Variants in DYNC1I1 observed in about 807,000 individuals in gnomAD.
DYNC1I1 encodes the protein dynein cytoplasmic 1 intermediate chain 1.
In DYNC1I1, 43 loss-of-function variants were observed where a neutral mutation model predicts 86.6. The ratio of observed to expected loss-of-function variants is 0.50; its 90% CI spans 0.39 to 0.64. The LOEUF (loss-of-function observed/expected upper bound fraction) is 0.64, where lower values mean the gene tolerates loss of function less well. Among genes scored for constraint, DYNC1I1 ranks in the 30% least tolerant of loss-of-function variants. The pLI, the probability that DYNC1I1 is intolerant of heterozygous loss-of-function variation, is 0.00. For synonymous variants in DYNC1I1, 262 were observed against 283.7 expected (o/e 0.92, Z 0.77); for missense variants, 604 against 788.8 (o/e 0.77, Z 2.81).
chr7:96,088,409 A>G (rs1189359525), intron 16 of DYNC1I1, among the ~76,000 whole-genome samples: 2 of 152,296 alleles, frequency 1.3e-5, no homozygotes, highest in African/African-American at 4.8e-5. Flanking sequence ...ACCAGTTTGT[A>G]TAACTAATCA....
At chr7:95,791,150 T>C (rs1200019699) in intron 1 of DYNC1I1, among the ~76,000 whole-genome samples, 1 of 152,214 alleles carries the variant, frequency 6.6e-6, no homozygotes, top group Admixed American at 6.5e-5. Context: ...AAATTTATTA[T>C]TGAAATTAAA....
intron 6 of DYNC1I1, among the ~76,000 whole-genome samples, chr7:95,975,602 C>A (rs773219202): frequency 2.4e-4 from 36 of 152,138 alleles, no homozygotes; most frequent in Non-Finnish European, 4.6e-4. Context: ...ACCCTATTTT[C>A]AAATAAGGCC....
chr7:96,043,969 A>G (rs1789134584), intron 14 of DYNC1I1, among the ~76,000 whole-genome samples: 1 of 152,132 alleles, frequency 6.6e-6, no homozygotes, highest in Admixed American at 6.5e-5. Flanking sequence ...CAGCCTCCCA[A>G]AGTGCTGGGA....
At chr7:96,074,086 T>TA (rs1051607665) in intron 14 of DYNC1I1, among the ~76,000 whole-genome samples, 2 of 152,178 alleles carry the variant, frequency 1.3e-5, no homozygotes, top group African/African-American at 2.4e-5. Flanking sequence ...TCATAAAATT[T>TA]AAAAAACTAT....
rs189739573 is a variant in DYNC1I1 at position 95,841,195 on chromosome 7, T to C, written c.374+13079T>C. ...AATTTAAAGGTCTAGATGGGTAGTT[T>C]AAGCTCTTCTAAGGAGAAGCTATAG... On this transcript the variant is annotated intron_variant, in intron 5 of 16. Coordinates refer to ENST00000447467, the MANE Select transcript of DYNC1I1 (RefSeq NM_001135556.2). 3.4e-4 allele frequency among the ~76,000 whole-genome samples: 52 copies of C among 152,306 alleles called. 1 individual carries two copies. Among genetic ancestry groups the C allele is most frequent in the African/African-American group, 1.2e-3 (49 of 41,572 alleles).
chr7:95,895,333 A>G (rs1160937994), intron 6 of DYNC1I1, among the ~76,000 whole-genome samples: 1 of 152,220 alleles, frequency 6.6e-6, no homozygotes, highest in Non-Finnish European at 1.5e-5. Flanking sequence ...GCACCCATTT[A>G]TCAGCTTTTT....
chr7:95,869,660 G>A (rs1790109437), intron 5 of DYNC1I1, among the ~76,000 whole-genome samples: 1 of 152,128 alleles, frequency 6.6e-6, no homozygotes, highest in African/African-American at 2.4e-5. Flanking sequence ...GAAAGCTGAG[G>A]GTCTTATCTG....
chr7:95,808,123 A>G (rs1279076248), intron 2 of DYNC1I1, among the ~76,000 whole-genome samples: 1 of 152,160 alleles, frequency 6.6e-6, no homozygotes, highest in African/African-American at 2.4e-5. Flanking sequence ...TCCTGAATCC[A>G]TGGGATATCG....
intron 6 of DYNC1I1, among the ~76,000 whole-genome samples, chr7:95,918,765 C>T (rs549191274): frequency 2.0e-5 from 3 of 152,250 alleles, no homozygotes; most frequent in South Asian, 4.1e-4. Flanking sequence ...CTTTGCATTG[C>T]TTATTTGAAA....
chr7:95,984,137 T>A (rs17638044), intron 7 of DYNC1I1, among the ~76,000 whole-genome samples: 1 of 152,170 alleles, frequency 6.6e-6, no homozygotes, highest in Non-Finnish European at 1.5e-5. Flanking sequence ...AAATTTAGTT[T>A]GATAAGATTA....
chr7:96,037,906 G>A (rs1307333792), intron 13 of DYNC1I1, among the ~76,000 whole-genome samples: 1 of 152,084 alleles, frequency 6.6e-6, no homozygotes, highest in African/African-American at 2.4e-5. Context: ...TAGGTCTATG[G>A]GGGAGAAGCA....
At chr7:95,869,049 AC>A (rs1361062031) in intron 5 of DYNC1I1, among the ~76,000 whole-genome samples, 1 of 152,146 alleles carries the variant, frequency 6.6e-6, no homozygotes, top group Non-Finnish European at 1.5e-5. Flanking sequence ...AAGACTCATA[AC>A]CTTTCTTCTA....
chr7:96,072,331 AGTAGGCCGTGTAACAGT>A (rs1584298251), intron 14 of DYNC1I1, among the ~76,000 whole-genome samples: 2 of 152,336 alleles, frequency 1.3e-5, no homozygotes, highest in East Asian at 3.9e-4. Context: ...CCACACGTGC[AGTAGGCCGTGTAACAGT>A]GTAGTTTTCC....
chr7:95,886,162 G>A (rs1182598596), intron 6 of DYNC1I1, among the ~76,000 whole-genome samples: 2 of 152,110 alleles, frequency 1.3e-5, no homozygotes, highest in African/African-American at 2.4e-5. Context: ...CAGGCCGGAC[G>A]CAGTGGCCCA....
At chr7:95,907,690 A>G (rs1219107035) in intron 6 of DYNC1I1, among the ~76,000 whole-genome samples, 3 of 151,720 alleles carry the variant, frequency 2.0e-5, no homozygotes, top group South Asian at 2.1e-4. Flanking sequence ...TCTGCCTTTT[A>G]CCAGGACTGT....
intron 4 of DYNC1I1, among the ~76,000 whole-genome samples, chr7:95,819,738 C>T (rs1055164470): frequency 2.6e-5 from 4 of 152,056 alleles, no homozygotes; most frequent in African/African-American, 7.3e-5. Flanking sequence ...AGACTGAAGT[C>T]GCTAATTCAA....
At chr7:96,066,823 T>G (rs1425745542) in intron 14 of DYNC1I1, among the ~76,000 whole-genome samples, 1 of 152,226 alleles carries the variant, frequency 6.6e-6, no homozygotes, top group Non-Finnish European at 1.5e-5. Context: ...CTTCTCTTAT[T>G]ATATCATAAT....
rs1464306859 is a variant in DYNC1I1 at position 96,076,204 on chromosome 7, G to C, written c.1650+7G>C. The C allele has an allele frequency of 1.9e-6, 3 of 1,613,488 alleles. No individual in the cohort carries two copies. The highest frequency in any genetic ancestry group is 2.5e-6 in the Non-Finnish European group (3 of 1,179,710). On this transcript the variant is annotated splice_region_variant and intron_variant, in intron 15 of 16. Coordinates refer to ENST00000447467, the MANE Select transcript of DYNC1I1 (RefSeq NM_001135556.2). ...CCTCAACAATGACACCGAGGTGAGCGGCGGCTCAGGCGCCCGGGCCGGAGG... is the reference window on the plus strand; with the variant it reads ...CCTCAACAATGACACCGAGGTGAGCCGCGGCTCAGGCGCCCGGGCCGGAGG...
chr7:95,942,538 C>T (rs933542441), intron 6 of DYNC1I1, among the ~76,000 whole-genome samples: 5 of 152,190 alleles, frequency 3.3e-5, no homozygotes, highest in Admixed American at 6.5e-5. Context: ...CAGCATCATC[C>T]TGATACCAAA....
Sources: allele counts gnomAD v4.1 joint callset (sites outside exome capture counted in the v4.1 genomes callset), GRCh38; gene constraint gnomAD v4.1.1; transcripts MANE v1.5; gene names NCBI Gene and HGNC (gene_info 2026-07-23, HGNC 2026-07-21).